C2orf66: variants seen among roughly 807,000 people sequenced by gnomAD.
The protein encoded by C2orf66 is uncharacterized protein C2orf66.
In C2orf66, 6 loss-of-function variants were observed where a neutral mutation model predicts 7.0. The observed-to-expected ratio is 0.86, with a 90% CI of 0.47 to 1.69. The LOEUF (loss-of-function observed/expected upper bound fraction) is 1.69, where lower values mean the gene tolerates loss of function less well. Ranked by LOEUF, C2orf66 falls within the 40% of genes most tolerant of loss-of-function variation. C2orf66 has a pLI of 0.01. For missense variants in C2orf66, 107 were observed against 112.0 expected (o/e 0.96, Z 0.20); for synonymous variants, 38 against 43.8 (o/e 0.87, Z 0.52).
upstream of C2orf66, among the ~76,000 whole-genome samples, chr2:196,811,482 T>C (rs1421274478): frequency 6.6e-6 from 1 of 151,696 alleles, no homozygotes; most frequent in African/African-American, 2.4e-5. Flanking sequence ...AAGGGATTGT[T>C]AATGTACTGG....
At chr2:196,810,826 A>G (rs1385390125), upstream of C2orf66, among the ~76,000 whole-genome samples, 1 of 152,216 alleles carries the variant, frequency 6.6e-6, no homozygotes, top group Non-Finnish European at 1.5e-5. Flanking sequence ...CTGCAACAGG[A>G]TTTGAGGATG....
the C2orf66 span, among the ~76,000 whole-genome samples, chr2:196,831,544 T>A: frequency 6.6e-6 from 1 of 152,136 alleles, no homozygotes; most frequent in Non-Finnish European, 1.5e-5. Context: ...TACCACTCCA[T>A]GCAGGCATAG....
chr2:196,818,142 G>A, the C2orf66 span, among the ~76,000 whole-genome samples: 1 of 152,216 alleles, frequency 6.6e-6, no homozygotes, highest in Non-Finnish European at 1.5e-5. Context: ...CACAATTTAT[G>A]TTCCTCTGCT....
At chr2:196,808,195 C>G (rs775437364) in intron 1 of C2orf66, among the ~76,000 whole-genome samples, 5 of 152,140 alleles carry the variant, frequency 3.3e-5, no homozygotes, top group African/African-American at 4.8e-5. Context: ...CTGCTCCTGC[C>G]AGAACAAGGC....
upstream of C2orf66, chr2:196,810,382 TTTTTGACC>T (rs1276034439): frequency 6.6e-6 from 1 of 152,250 alleles, no homozygotes. Flanking sequence ...AAAATTACTC[TTTTTGACC>T]TATACCTTGT....
At chr2:196,814,457 G>T in the C2orf66 span, among the ~76,000 whole-genome samples, 24 of 152,048 alleles carry the variant, frequency 1.6e-4, no homozygotes, top group Non-Finnish European at 2.9e-4. Context: ...AGCACTAGGA[G>T]AAATACCTAA....
At chr2:196,813,443 A>G (rs1699894994), upstream of C2orf66, among the ~76,000 whole-genome samples, 2 of 152,216 alleles carry the variant, frequency 1.3e-5, no homozygotes, top group Non-Finnish European at 2.9e-5. Context: ...TGGATAAAAG[A>G]CTTAAACGTA....
At chr2:196,827,696 G>C in the C2orf66 span, among the ~76,000 whole-genome samples, 912 of 152,278 alleles carry the variant, frequency 6.0e-3, 4 homozygotes, top group African/African-American at 0.021. Context: ...GATCATTCTA[G>C]CTGGATTTAT....
the C2orf66 span, among the ~76,000 whole-genome samples, chr2:196,829,814 T>A: frequency 6.6e-6 from 1 of 151,442 alleles, no homozygotes; most frequent in South Asian, 2.1e-4. Flanking sequence ...GGAGAATGGT[T>A]TGAACCCGGG....
At chr2:196,819,891 T>G in the C2orf66 span, among the ~76,000 whole-genome samples, 1 of 152,234 alleles carries the variant, frequency 6.6e-6, no homozygotes, top group African/African-American at 2.4e-5. Flanking sequence ...TGACCAGTAT[T>G]TGTCAATTTT....
At chr2:196,816,404 T>C in the C2orf66 span, among the ~76,000 whole-genome samples, 3 of 152,198 alleles carry the variant, frequency 2.0e-5, no homozygotes, top group African/African-American at 7.2e-5. Context: ...CTATATTAAG[T>C]GTAAGTATAA....
chr2:196,807,282 A>T, intron 2 of C2orf66, 142 bp downstream of exon 2: 1 of 498,684 alleles, frequency 2.0e-6, no homozygotes, highest in Non-Finnish European at 3.4e-6. Flanking sequence ...CCAAATACTT[A>T]ATAGTAATGA....
At chr2:196,827,764 T>C in the C2orf66 span, among the ~76,000 whole-genome samples, 1 of 152,204 alleles carries the variant, frequency 6.6e-6, no homozygotes, top group African/African-American at 2.4e-5. Context: ...ATATTAAATG[T>C]AAAAAGCATG....
upstream of C2orf66, among the ~76,000 whole-genome samples, chr2:196,813,128 A>G (rs1699892048): frequency 6.6e-6 from 1 of 150,786 alleles, no homozygotes; most frequent in African/African-American, 2.4e-5. Context: ...GCCAAAAAGA[A>G]GAAAAAAAAG....
chr2:196,823,997 G>A, the C2orf66 span, among the ~76,000 whole-genome samples: 1 of 152,070 alleles, frequency 6.6e-6, no homozygotes, highest in African/African-American at 2.4e-5. Flanking sequence ...AGAGTTGCAT[G>A]AAATATCTAA....
chr2:196,808,052 C>G (rs988197597), intron 1 of C2orf66, among the ~76,000 whole-genome samples: 1 of 152,146 alleles, frequency 6.6e-6, no homozygotes, highest in African/African-American at 2.4e-5. Flanking sequence ...AGAAGATGTG[C>G]GAAGTGCTAC....
chr2:196,820,319 C>A, the C2orf66 span, among the ~76,000 whole-genome samples: 2 of 152,204 alleles, frequency 1.3e-5, no homozygotes, highest in South Asian at 4.1e-4. Context: ...TGCCCTGAAG[C>A]TATTTAAGAG....
chr2:196,822,002 G>A, the C2orf66 span, among the ~76,000 whole-genome samples: 3 of 113,230 alleles, frequency 2.6e-5, no homozygotes, highest in East Asian at 3.1e-4. Flanking sequence ...TGCAACCTCC[G>A]CTCCTGGATC....
At chr2:196,828,764 A>G in the C2orf66 span, among the ~76,000 whole-genome samples, 3 of 151,978 alleles carry the variant, frequency 2.0e-5, no homozygotes, top group Non-Finnish European at 4.4e-5. Flanking sequence ...CCATGATGTC[A>G]AAAGGCTATG....
Sources: allele counts gnomAD v4.1 joint callset (sites outside exome capture counted in the v4.1 genomes callset), GRCh38; gene constraint gnomAD v4.1.1; transcripts MANE v1.5; gene names NCBI Gene and HGNC (gene_info 2026-07-23, HGNC 2026-07-21).